ABCD3: variants seen among roughly 807,000 people sequenced by gnomAD.
ABCD3 encodes ATP-binding cassette sub-family D member 3.
In ABCD3, 41 loss-of-function variants were observed where a neutral mutation model predicts 105.5. That is an observed-to-expected ratio of 0.39 (90% CI 0.30 to 0.50). The LOEUF is 0.50. Among genes scored for constraint, ABCD3 ranks in the 20% least tolerant of loss-of-function variants. ABCD3 has a pLI of 0.84. For missense variants in ABCD3, 622 were observed against 806.3 expected, an observed-to-expected ratio of 0.77 and a Z score of 2.77; for synonymous variants, 258 against 269.0, an observed-to-expected ratio of 0.96 and a Z score of 0.40.
chr1:94,409,409 T>C, the ABCD3 span, among the ~76,000 whole-genome samples: 4 of 152,216 alleles, frequency 2.6e-5, no homozygotes, highest in Admixed American at 6.5e-5. Context: ...TTTAACTGTT[T>C]TGTATTTCGG....
the ABCD3 span, among the ~76,000 whole-genome samples, chr1:94,386,021 CTGTTTCTT>C: frequency 1.6e-5 from 2 of 128,348 alleles, no homozygotes; most frequent in African/African-American, 6.1e-5. Flanking sequence ...CTTTTAGAAT[CTGTTTCTT>C]TCTTTCTTTC....
At chr1:94,401,936 G>T in the ABCD3 span, among the ~76,000 whole-genome samples, 2 of 152,132 alleles carry the variant, frequency 1.3e-5, no homozygotes, top group African/African-American at 4.8e-5. Flanking sequence ...TGTCACCCAA[G>T]GAAGTTCCTT....
At position 94,503,665 on chromosome 1, in the gene ABCD3, C is replaced by A. The variant is rs115926433; in HGVS notation, c.1741-2873C>A. ...CAGTTGAACTTCTTCATAGTCTATA[C>A]TTGCTGCCTCCCCTTCCTCACTTCA... On this transcript the variant is annotated intron_variant, in intron 20 of 22. Coordinates refer to ENST00000370214, the MANE Select transcript of ABCD3 (RefSeq NM_002858.4). 5.2e-3 allele frequency among the ~76,000 whole-genome samples: 795 copies of A among 152,282 alleles called. 8 individuals are homozygous for A. Among genetic ancestry groups the A allele is most frequent in the African/African-American group, 0.018 (749 of 41,560 alleles).
At chr1:94,498,269 G>A (rs1300983411) in intron 16 of ABCD3, among the ~76,000 whole-genome samples, 1 of 151,822 alleles carries the variant, frequency 6.6e-6, no homozygotes, top group Non-Finnish European at 1.5e-5. Flanking sequence ...TGAGGGTCTT[G>A]TTTTATTTCC....
intron 20 of ABCD3, among the ~76,000 whole-genome samples, chr1:94,500,050 G>C (rs990297166): frequency 6.6e-6 from 1 of 152,008 alleles, no homozygotes. Context: ...TCTTTATTCT[G>C]TTCTTGCCCT....
At chr1:94,438,139 T>C (rs1450208701) in intron 1 of ABCD3, among the ~76,000 whole-genome samples, 1 of 151,856 alleles carries the variant, frequency 6.6e-6, no homozygotes, top group African/African-American at 2.4e-5. Context: ...TACAAAAAAT[T>C]AGCCGGGTGT....
chr1:94,428,822 C>A (rs1659568743), intron 1 of ABCD3, among the ~76,000 whole-genome samples: 1 of 151,838 alleles, frequency 6.6e-6, no homozygotes, highest in South Asian at 2.1e-4. Flanking sequence ...TGAAAACAGA[C>A]TAATACAGCA....
intron 1 of ABCD3, among the ~76,000 whole-genome samples, chr1:94,431,883 C>G (rs528611833): frequency 4.6e-5 from 7 of 152,038 alleles, no homozygotes; most frequent in Non-Finnish European, 7.4e-5. Context: ...CTGTAGGACT[C>G]GTGACTTTTT....
At chr1:94,495,998 CTT>C (rs1416460128) in intron 16 of ABCD3, among the ~76,000 whole-genome samples, 1 of 152,192 alleles carries the variant, frequency 6.6e-6, no homozygotes, top group Non-Finnish European at 1.5e-5. Flanking sequence ...CTGAACGACT[CTT>C]TAACAATTAT....
intron 4 of ABCD3, among the ~76,000 whole-genome samples, chr1:94,470,065 G>T (rs756641306): frequency 1.1e-4 from 17 of 152,022 alleles, no homozygotes; most frequent in African/African-American, 1.7e-4. Flanking sequence ...CCTGTTTCTG[G>T]ATTTTTTGTT....
the ABCD3 span, among the ~76,000 whole-genome samples, chr1:94,395,123 C>T: frequency 6.6e-6 from 1 of 152,308 alleles, no homozygotes; most frequent in Non-Finnish European, 1.5e-5. Flanking sequence ...CCTTGCTTTT[C>T]TTCTGCATTC....
chr1:94,475,303 C>T (rs748203806), intron 6 of ABCD3, 63 bp downstream of exon 6: 9 of 1,120,626 alleles, frequency 8.0e-6, no homozygotes, highest in Non-Finnish European at 1.2e-5. Context: ...TGAAGCTGAT[C>T]AATATAGCAG....
intron 1 of ABCD3, among the ~76,000 whole-genome samples, chr1:94,457,168 A>G (rs1313778969): frequency 6.6e-6 from 1 of 152,184 alleles, no homozygotes; most frequent in Non-Finnish European, 1.5e-5. Context: ...GTATGGTTGC[A>G]AATATTTTCT....
the ABCD3 span, among the ~76,000 whole-genome samples, chr1:94,387,359 A>C: frequency 1.3e-4 from 20 of 152,190 alleles, no homozygotes; most frequent in Admixed American, 6.5e-4. Flanking sequence ...TTTAAAAGAC[A>C]CTAACAGGTA....
At chr1:94,419,449 T>C (rs1659171382) in intron 1 of ABCD3, 2 of 714,344 alleles carry the variant, frequency 2.8e-6, no homozygotes, top group Non-Finnish European at 3.4e-6. Flanking sequence ...TGAATTACGG[T>C]TGCGACATAC....
rs1659112802 is a variant in ABCD3 at position 94,418,470 on chromosome 1, G to C, written c.-9G>C. Reference sequence around the variant, plus strand: ...GTCCCCTCGCCGGCTCGCTGGTACCGGCAGTGCCATGGCGGCCTTCAGCAA... The same window carrying C: ...GTCCCCTCGCCGGCTCGCTGGTACCCGCAGTGCCATGGCGGCCTTCAGCAA... On this transcript the variant is annotated 5_prime_UTR_variant, in exon 1 of 23. Coordinates refer to ENST00000370214, the MANE Select transcript of ABCD3 (RefSeq NM_002858.4). 6.3e-7 allele frequency: 1 copy of C among 1,593,210 alleles called. No homozygotes were observed. The highest frequency in any genetic ancestry group is 8.5e-7 in the Non-Finnish European group (1 of 1,174,946).
intron 10 of ABCD3, among the ~76,000 whole-genome samples, chr1:94,484,101 C>A (rs1016467976): frequency 5.9e-5 from 9 of 152,234 alleles, no homozygotes; most frequent in Admixed American, 5.9e-4. Flanking sequence ...CACTATCTCA[C>A]ACCAGTTAGA....
intron 9 of ABCD3, 40 bp from the exon 10 acceptor site, chr1:94,483,130 G>A (rs766333358): frequency 7.8e-7 from 1 of 1,284,812 alleles, no homozygotes; most frequent in East Asian, 2.4e-5. Flanking sequence ...CCAAGCATAG[G>A]TAACATTAAA....
the ABCD3 span, among the ~76,000 whole-genome samples, chr1:94,398,792 T>G: frequency 6.6e-5 from 10 of 152,152 alleles, no homozygotes; most frequent in Admixed American, 5.9e-4. Context: ...CGGGCACCTG[T>G]TATTCCAGCT....
Sources: allele counts gnomAD v4.1 joint callset (sites outside exome capture counted in the v4.1 genomes callset), GRCh38; gene constraint gnomAD v4.1.1; transcripts MANE v1.5; gene names NCBI Gene and HGNC (gene_info 2026-07-23, HGNC 2026-07-21).